Variants in ELAPOR2 observed in about 807,000 individuals in gnomAD.
The protein encoded by ELAPOR2 is endosome/lysosome-associated apoptosis and autophagy regulator family member 2.
In ELAPOR2, 89 loss-of-function variants were observed where a neutral mutation model predicts 120.7. That is an observed-to-expected ratio of 0.74 (90% CI 0.62 to 0.88). ELAPOR2 has a LOEUF of 0.88. ELAPOR2 is among the 40% of genes least tolerant of loss of function. The pLI, the probability that ELAPOR2 is intolerant of heterozygous loss-of-function variation, is 0.00. For missense variants in ELAPOR2, 1,134 were observed against 1,251.6 expected (o/e 0.91, Z 1.42); for synonymous variants, 444 against 444.9 (o/e 1.00, Z 0.03).
chr7:87,022,649 G>T (rs1213236011), intron 1 of ELAPOR2, among the ~76,000 whole-genome samples: 2 of 151,720 alleles, frequency 1.3e-5, no homozygotes, highest in Non-Finnish European at 2.9e-5. Context: ...CTGAGGAATC[G>T]CCACACTGAC....
At chr7:87,031,290 T>G (rs934017799) in intron 1 of ELAPOR2, among the ~76,000 whole-genome samples, 2 of 152,220 alleles carry the variant, frequency 1.3e-5, no homozygotes, top group Non-Finnish European at 2.9e-5. Context: ...ATGAATATAT[T>G]TAATTGTTCA....
In ELAPOR2 at chr7:86,991,804, T is replaced by C. The variant is rs1792954076; in HGVS notation, c.190-26780A>G. On this transcript the variant is annotated intron_variant, in intron 1 of 21. Transcript: ENST00000450689. ...GCTAATGTTCCAGCCATTATATTCA[T>C]GTGACAGTCAGCAAGACAAAATTAA... Among the ~76,000 whole-genome samples, 5 of 152,046 alleles carry C rather than the reference T, an allele frequency of 3.3e-5. No individual in the cohort carries two copies. The South Asian group carries it at 1.0e-3, about 31-fold the overall frequency.
chr7:87,012,425 A>G (rs1420226705), intron 1 of ELAPOR2, among the ~76,000 whole-genome samples: 1 of 152,164 alleles, frequency 6.6e-6, no homozygotes, highest in African/African-American at 2.4e-5. Context: ...AAATTAAAAA[A>G]AAGTAGTCAA....
At chr7:86,990,075 C>A (rs547266571) in intron 1 of ELAPOR2, among the ~76,000 whole-genome samples, 35 of 151,618 alleles carry the variant, frequency 2.3e-4, no homozygotes, top group Non-Finnish European at 3.5e-4. Context: ...GAGACAGAGT[C>A]TTGCTCTGTC....
At chr7:87,035,913 G>A (rs1794573138) in intron 1 of ELAPOR2, among the ~76,000 whole-genome samples, 1 of 152,144 alleles carries the variant, frequency 6.6e-6, no homozygotes, top group South Asian at 2.1e-4. Context: ...AACTCATTAG[G>A]AATCCTTCTC....
intron 1 of ELAPOR2, among the ~76,000 whole-genome samples, chr7:87,057,295 G>T (rs1795292420): frequency 6.6e-6 from 1 of 152,136 alleles, no homozygotes; most frequent in Admixed American, 6.5e-5. Context: ...CAATGTCAGA[G>T]AAAAACAATG....
chr7:86,970,438 G>A (rs547131297), intron 1 of ELAPOR2, among the ~76,000 whole-genome samples: 21 of 152,024 alleles, frequency 1.4e-4, no homozygotes, highest in Non-Finnish European at 2.6e-4. Flanking sequence ...TGATGAGACC[G>A]CAAATCCTCT....
Position 86,913,094 on chromosome 7 carries a change from C to T in ELAPOR2, c.1842G>A (p.Ser614=), listed in dbSNP as rs994890567. ...CRACALGSEQ[S]GSSCVPCPPG... ...GAGGGCAGGGGACACACGATGAACC[C>T]GACTGTTCAGAACCGAGGGCACAGG... The change falls in exon 14 of 22, where the codon TCG becomes TCA. Residue 614 remains serine, a synonymous_variant. Coordinates refer to ENST00000450689, the MANE Select transcript of ELAPOR2 (RefSeq NM_001142749.3). 6.2e-6 allele frequency: 10 copies of T among 1,613,840 alleles called. No homozygotes were observed. Among genetic ancestry groups the T allele is most frequent in the East Asian group, 2.2e-5 (1 of 44,860 alleles).
intron 1 of ELAPOR2, among the ~76,000 whole-genome samples, chr7:87,027,013 T>C (rs987520879): frequency 2.6e-5 from 4 of 152,124 alleles, no homozygotes; most frequent in African/African-American, 9.7e-5. Context: ...CAACAAAATT[T>C]CTTCTAATAA....
At chr7:87,057,077 A>C (rs1205157753) in intron 1 of ELAPOR2, among the ~76,000 whole-genome samples, 1 of 152,208 alleles carries the variant, frequency 6.6e-6, no homozygotes, top group Admixed American at 6.5e-5. Context: ...GTTAACAAAA[A>C]GTGGAAAATG....
rs1795356808 is a variant in ELAPOR2 at position 87,059,251 on chromosome 7, A to G, written c.189+74T>C. The G allele has an allele frequency of 1.1e-5, 14 of 1,239,994 alleles. No homozygotes were observed. In the East Asian group the frequency reaches 4.5e-4, roughly 40 times the overall value. The allele number at this position is 1,239,994 out of a possible 1,614,324, so 76.8% of individuals were successfully genotyped here. A position where few individuals can be genotyped will look rare whatever the true frequency, so the allele number is the denominator to read the frequency against. ...AAGGGGATGGCAAACAGAAATAAAC[A>G]GGAACCGCTCTCAGCCTTCATCTTC... On this transcript the variant is annotated intron_variant, in intron 1 of 21. Transcript: ENST00000450689.
chr7:86,880,671 T>C, intron 21 of ELAPOR2, 141 bp from the exon 22 acceptor site: 1 of 619,466 alleles, frequency 1.6e-6, no homozygotes, highest in Middle Eastern at 4.4e-4. Flanking sequence ...ACAGTTAAAA[T>C]TGGGTGGCAG....
chr7:86,940,781 T>C (rs1284825009), intron 5 of ELAPOR2, among the ~76,000 whole-genome samples: 1 of 152,060 alleles, frequency 6.6e-6, no homozygotes, highest in Non-Finnish European at 1.5e-5. Context: ...CCCCCCTTAT[T>C]CTTCTATACA....
chr7:86,941,232 G>A lies in ELAPOR2; in HGVS notation c.741+786C>T, dbSNP rs932387091. 10 of 456,382 alleles carry A rather than the reference G, an allele frequency of 2.2e-5. No individual in the cohort carries two copies. The Admixed American group carries it at 2.7e-4, about 12-fold the overall frequency. 28.3% of individuals were successfully genotyped at this position (456,382 alleles called of 1,614,324 possible). ...TGCAAATGAAAACATCAGACACAAA[G>A]AGATTAAGCAAATTGCCTAAAGAAA... On this transcript the variant is annotated intron_variant, in intron 5 of 21. Transcript: ENST00000450689.
At chr7:86,906,714 CT>C (rs1438174127) in intron 18 of ELAPOR2, among the ~76,000 whole-genome samples, 1 of 151,900 alleles carries the variant, frequency 6.6e-6, no homozygotes, top group African/African-American at 2.4e-5. Flanking sequence ...CCAAAGGTAT[CT>C]TAACTCAGCA....
At chr7:87,004,160 T>A (rs1421286043) in intron 1 of ELAPOR2, among the ~76,000 whole-genome samples, 1 of 152,188 alleles carries the variant, frequency 6.6e-6, no homozygotes, top group Non-Finnish European at 1.5e-5. Flanking sequence ...GCCGAGAAGA[T>A]AATTAAGTAA....
intron 1 of ELAPOR2, among the ~76,000 whole-genome samples, chr7:86,974,580 AGTGTGTGTGTGTGTGTGTGTGT>A (rs35712048): frequency 7.2e-6 from 1 of 138,736 alleles, no homozygotes; most frequent in Non-Finnish European, 1.6e-5. Flanking sequence ...GAACCCCTGT[AGTGTGTGTGTGTGTGTGTGTGT>A]GTGTGTGTGT....
intron 7 of ELAPOR2, among the ~76,000 whole-genome samples, chr7:86,938,431 C>A (rs1157123054): frequency 6.6e-6 from 1 of 152,058 alleles, no homozygotes; most frequent in East Asian, 1.9e-4. Context: ...TAGTATATCA[C>A]AGTTTTTCCC....
chr7:86,901,182 A>G (rs779242512), intron 18 of ELAPOR2, among the ~76,000 whole-genome samples: 1 of 152,250 alleles, frequency 6.6e-6, no homozygotes. Flanking sequence ...GCAAAGACCT[A>G]TTCAAAGCAC....
Sources: gnomAD v4.1 joint callset for allele counts (sites outside exome capture counted in the v4.1 genomes callset) on GRCh38, gnomAD v4.1.1 for gene constraint, MANE v1.5 for transcripts, NCBI Gene and HGNC (gene_info 2026-07-23, HGNC 2026-07-21) for gene names.